Variants in NRG1 observed in about 807,000 individuals in gnomAD.
The protein encoded by NRG1 is pro-neuregulin-1, membrane-bound isoform.
In NRG1, 18 loss-of-function variants were observed where a neutral mutation model predicts 63.8. The ratio of observed to expected loss-of-function variants is 0.28; its 90% CI spans 0.19 to 0.42. The LOEUF (loss-of-function observed/expected upper bound fraction) is 0.42. Among genes scored for constraint, NRG1 ranks in the 10% least tolerant of loss-of-function variants. The pLI, the probability that NRG1 is intolerant of heterozygous loss-of-function variation, is 1.00. For synonymous variants in NRG1, 302 were observed against 301.3 expected (o/e 1.00, Z -0.02); for missense variants, 762 against 814.7 (o/e 0.94, Z 0.79).
intron 1 of NRG1, among the ~76,000 whole-genome samples, chr8:31,709,108 G>A (rs1811471914): frequency 1.3e-5 from 2 of 151,146 alleles, no homozygotes; most frequent in Admixed American, 6.6e-5. Context: ...TGGATTTTTG[G>A]AGTTCAGACC....
intron 1 of NRG1, among the ~76,000 whole-genome samples, chr8:32,136,279 C>T (rs1301469640): frequency 6.6e-6 from 1 of 152,208 alleles, no homozygotes; most frequent in African/African-American, 2.4e-5. Context: ...ATAATACAAA[C>T]CTCTTGCAGG....
At chr8:32,631,293 T>TCTTCAACCTCTCCTGAG (rs914083873) in intron 5 of NRG1, among the ~76,000 whole-genome samples, 1 of 152,222 alleles carries the variant, frequency 6.6e-6, no homozygotes, top group African/African-American at 2.4e-5. Context: ...TCTCCTGAAT[T>TCTTCAACCTCTCCTGAG]GTGCTTCAAC....
intron 1 of NRG1, among the ~76,000 whole-genome samples, chr8:32,555,162 C>A (rs1333781209): frequency 6.6e-6 from 1 of 152,136 alleles, no homozygotes; most frequent in African/African-American, 2.4e-5. Flanking sequence ...GGAATTTCCC[C>A]CAAGAGAATC....
chr8:32,756,682 G>T (rs983661643), intron 9 of NRG1, among the ~76,000 whole-genome samples, 153 bp downstream of exon 9: 1 of 152,148 alleles, frequency 6.6e-6, no homozygotes, highest in African/African-American at 2.4e-5. Context: ...AAAATAATGG[G>T]AACATTTTTA....
intron 1 of NRG1, among the ~76,000 whole-genome samples, chr8:31,841,739 C>T (rs1183386303): frequency 3.3e-5 from 5 of 152,074 alleles, no homozygotes; most frequent in Admixed American, 3.3e-4. Flanking sequence ...TTACTGAGCT[C>T]CTCAACTGAT....
chr8:32,386,543 G>A (rs192685009), intron 1 of NRG1, among the ~76,000 whole-genome samples: 19 of 152,110 alleles, frequency 1.2e-4, no homozygotes, highest in African/African-American at 4.3e-4. Flanking sequence ...TACCTATTAC[G>A]TGTCAGGACC....
intron 5 of NRG1, among the ~76,000 whole-genome samples, chr8:32,702,589 C>T (rs1207923529): frequency 2.0e-5 from 3 of 152,114 alleles, no homozygotes; most frequent in Admixed American, 6.5e-5. Flanking sequence ...TGGGTTCAAG[C>T]GATTCTCCTG....
At chr8:32,567,641 TC>T (rs1563665531) in intron 1 of NRG1, among the ~76,000 whole-genome samples, 2 of 152,222 alleles carry the variant, frequency 1.3e-5, no homozygotes, top group Non-Finnish European at 2.9e-5. Flanking sequence ...TGGGTGCCCC[TC>T]ACTTCTTTTT....
intron 1 of NRG1, among the ~76,000 whole-genome samples, chr8:31,946,966 G>C (rs1043287197): frequency 2.0e-4 from 30 of 152,150 alleles, no homozygotes; most frequent in African/African-American, 6.8e-4. Flanking sequence ...TTCTGTGATT[G>C]CCTACTAAAT....
intron 1 of NRG1, 36 bp downstream of exon 1, chr8:32,548,862 C>A: frequency 6.6e-7 from 1 of 1,520,102 alleles, no homozygotes; most frequent in South Asian, 1.2e-5. Flanking sequence ...CCACGATCCT[C>A]CTCCTGCTCC....
intron 6 of NRG1, among the ~76,000 whole-genome samples, chr8:32,738,867 T>G (rs1825727701): frequency 6.6e-6 from 1 of 152,206 alleles, no homozygotes; most frequent in African/African-American, 2.4e-5. Context: ...GCTGAACACT[T>G]GAGTTGCTTG....
At chr8:32,637,212 G>A (rs1436858291) in intron 5 of NRG1, among the ~76,000 whole-genome samples, 1 of 152,044 alleles carries the variant, frequency 6.6e-6, no homozygotes, top group Non-Finnish European at 1.5e-5. Context: ...CTTACTGAGT[G>A]TCTACCCATT....
chr8:32,654,371 G>A (rs375157313), intron 5 of NRG1, among the ~76,000 whole-genome samples: 29 of 152,274 alleles, frequency 1.9e-4, no homozygotes, highest in African/African-American at 6.7e-4. Context: ...GCTTACGCCT[G>A]TAATCCCAGC....
At chr8:31,764,022 A>AC (rs1242042643) in intron 1 of NRG1, among the ~76,000 whole-genome samples, 1 of 151,764 alleles carries the variant, frequency 6.6e-6, no homozygotes, top group Non-Finnish European at 1.5e-5. Context: ...AAAAAAAAAA[A>AC]AGATAGTTCT....
rs1830791996 is a variant in NRG1, at chr8:31,887,275, G to A, written c.37+247844G>A. 1.3e-5 allele frequency among the ~76,000 whole-genome samples: 2 copies of A among 152,044 alleles called. 1 individual carries two copies. The highest frequency in any genetic ancestry group is 1.3e-4 in the Admixed American group (2 of 15,242). On this transcript the variant is annotated intron_variant, in intron 1 of 10. Transcript: ENST00000519301. The stretch of plus-strand genomic sequence containing the variant: ...ACGACAAACATACATAAGAGAAAAG[G>A]CAGAATTAGAGTACAGTATTTTAAA...
chr8:31,699,999 C>T (rs1810472653), intron 1 of NRG1, among the ~76,000 whole-genome samples: 2 of 152,196 alleles, frequency 1.3e-5, no homozygotes, highest in African/African-American at 4.8e-5. Flanking sequence ...TCTTAATCTT[C>T]CTTTAAATAC....
At chr8:32,617,462 G>A (rs1847581253) in intron 5 of NRG1, among the ~76,000 whole-genome samples, 2 of 152,228 alleles carry the variant, frequency 1.3e-5, no homozygotes, top group African/African-American at 4.8e-5. Context: ...TTGTGCTTGT[G>A]GACTTCTATA....
chr8:32,012,085 T>C (rs1814850024), intron 1 of NRG1, among the ~76,000 whole-genome samples: 1 of 152,112 alleles, frequency 6.6e-6, no homozygotes, highest in Admixed American at 6.6e-5. Flanking sequence ...AGATGCCATA[T>C]TACAGGTGGA....
chr8:32,632,611 C>T (rs1850547479), intron 5 of NRG1, among the ~76,000 whole-genome samples: 1 of 150,126 alleles, frequency 6.7e-6, no homozygotes, highest in South Asian at 2.1e-4. Flanking sequence ...ATGATTCTAT[C>T]ATAAGGATAA....
Sources: gnomAD v4.1 joint callset for allele counts (sites outside exome capture counted in the v4.1 genomes callset) on GRCh38, gnomAD v4.1.1 for gene constraint, MANE v1.5 for transcripts, NCBI Gene and HGNC (gene_info 2026-07-23, HGNC 2026-07-21) for gene names.